Variants in KLHL10 observed in about 807,000 individuals in gnomAD.
KLHL10 encodes the protein kelch-like protein 10.
KLHL10 carries 11 observed loss-of-function variants against 46.6 expected under a neutral mutation model. The observed-to-expected ratio is 0.24, with a 90% CI of 0.15 to 0.39. The LOEUF is 0.39. KLHL10 is among the 10% of genes least tolerant of loss of function. KLHL10 has a pLI of 1.00. For missense variants in KLHL10, 475 were observed against 789.8 expected, an observed-to-expected ratio of 0.60 and a Z score of 4.78; for synonymous variants, 254 against 279.1, an observed-to-expected ratio of 0.91 and a Z score of 0.90.
chr17:41,843,038 A>G (rs1317605112), intron 2 of KLHL10, among the ~76,000 whole-genome samples: 13 of 150,830 alleles, frequency 8.6e-5, no homozygotes, highest in Admixed American at 8.6e-4. Flanking sequence ...AAATGGGAGG[A>G]CTGCTTGAGC....
Position 41,838,121 on chromosome 17 carries a change from C to T in KLHL10, c.189C>T (p.Tyr63=), listed in dbSNP as rs1555620374. ...ACATCCTCTGTAGCTGCAGTTCCTA[C>T]TTTAGGTATAACAGGGTTGCCAAAT... ...HKNILCSCSS[Y]FRALFTSGWN... is the part of the protein sequence containing the mutation. Residue 63 remains tyrosine, a synonymous_variant, in exon 1 of 5, where the codon TAC becomes TAT. Transcript: ENST00000293303. 4 of 1,613,970 alleles carry T rather than the reference C, an allele frequency of 2.5e-6. No homozygotes were observed. The East Asian group carries it at 6.7e-5, about 27-fold the overall frequency.
upstream of KLHL10, chr17:41,837,527 G>A (rs1404248746): frequency 9.8e-7 from 1 of 1,025,136 alleles, no homozygotes; most frequent in Non-Finnish European, 1.2e-6. Flanking sequence ...TCGGTGTCTA[G>A]GGAGCCAAGT....
At chr17:41,837,563 G>A (rs566951090), upstream of KLHL10, 1 of 1,065,816 alleles carries the variant, frequency 9.4e-7, no homozygotes, top group East Asian at 7.2e-5. Context: ...GTAGATGAAT[G>A]CTCCAGGGAT....
chr17:41,842,869 GGAGGTTGCAGTGAGCT>G (rs1230789827), intron 2 of KLHL10, among the ~76,000 whole-genome samples: 1 of 151,676 alleles, frequency 6.6e-6, no homozygotes, highest in Non-Finnish European at 1.5e-5. Flanking sequence ...CCTAGGAGGC[GGAGGTTGCAGTGAGCT>G]GAGATCATGC....
chr17:41,845,813 T>G, intron 3 of KLHL10, 70 bp downstream of exon 3: 1 of 1,593,758 alleles, frequency 6.3e-7, no homozygotes, highest in Non-Finnish European at 8.6e-7. Flanking sequence ...CTGCTCTTTT[T>G]TGGGGTGGAT....
chr17:41,836,357 G>A, upstream of KLHL10: 1 of 1,225,040 alleles, frequency 8.2e-7, no homozygotes, highest in Non-Finnish European at 1.0e-6. Flanking sequence ...CCGCGATCCG[G>A]GTGGGCTTGC....
At chr17:41,839,974 A>T (rs4378664) in intron 1 of KLHL10, among the ~76,000 whole-genome samples, 114,108 of 150,832 alleles carry the variant, frequency 0.76, 43,347 homozygotes, top group Admixed American at 0.84. Flanking sequence ...CTGCCTCCCA[A>T]GTTCAAGCAA....
In KLHL10 at chr17:41,845,374, T is replaced by C. The variant is rs781980416; in HGVS notation, c.933T>C (p.Tyr311=). Residue 311 remains tyrosine (Y), a synonymous_variant, in exon 3 of 5, where the codon TAT becomes TAC. Coordinates refer to ENST00000293303, the MANE Select transcript of KLHL10 (RefSeq NM_152467.5). ...GGSPTNAIEA[Y]DARADRWVNV... ...GCCCCACCAATGCCATTGAGGCATA[T>C]GACGCTCGGGCAGACAGATGGGTGA... 9.3e-6 allele frequency: 15 copies of C among 1,614,198 alleles called. No homozygotes were observed. The highest frequency in any genetic ancestry group is 1.3e-5 in the Non-Finnish European group (15 of 1,180,024).
upstream of KLHL10, chr17:41,835,961 T>G: frequency 6.3e-7 from 1 of 1,578,462 alleles, no homozygotes; most frequent in Non-Finnish European, 8.6e-7. Flanking sequence ...TGCTCACCTG[T>G]CCCGAGACCC....
chr17:41,847,198 A>G lies in KLHL10; in HGVS notation c.1303-63A>G, dbSNP rs1480845768. On this transcript the variant is annotated intron_variant, in intron 3 of 4. Transcript: ENST00000293303. ...AATTAAGTGCCCACTACCACCACAC[A>G]CATATCCTTTCTTTCTACTCCCTAG... 2.7e-6 allele frequency: 4 copies of G among 1,478,714 alleles called. No individual in the cohort carries two copies. In the African/African-American group the frequency reaches 5.5e-5, roughly 20 times the overall value. The allele number at this position is 1,478,714 out of a possible 1,614,324, so 91.6% of individuals were successfully genotyped here.
chr17:41,845,711 A>G lies in KLHL10; in HGVS notation c.1270A>G (p.Ser424Gly), dbSNP rs1555621324. 6.2e-7 allele frequency: 1 copy of G among 1,613,622 alleles called. No individual in the cohort carries two copies. Among genetic ancestry groups the G allele is most frequent in the African/African-American group, 1.3e-5 (1 of 75,020 alleles). ...TLIAPMHEQR[S>G]DASATTLYGK... ...CATCGCCCCCATGCACGAACAGAGG[A>G]GTGATGCAAGCGCCACAACACTTTA... is the stretch of plus-strand genomic sequence containing the variant. Residue 424 changes from serine (S) to glycine (G), a missense_variant, in exon 3 of 5, where the codon AGT (serine) becomes GGT (glycine). Transcript: ENST00000293303.
At position 41,845,579 on chromosome 17, in the gene KLHL10, A is replaced by G. The variant is rs375231468; in HGVS notation, c.1138A>G (p.Ser380Gly). 2 of 1,614,102 alleles carry G rather than the reference A, an allele frequency of 1.2e-6. No individual in the cohort carries two copies. The highest frequency in any genetic ancestry group is 2.7e-5 in the African/African-American group (2 of 74,930). ...GATGCACTCCAGACGTTGCTATGTC[A>G]GTGTGACAGTCCTCGGCAATTTTAT... is the stretch of plus-strand genomic sequence containing the variant. ...APMHSRRCYV[S>G]VTVLGNFIYA... Residue 380 changes from serine to glycine, a missense_variant, in exon 3 of 5, where the codon AGT becomes GGT. Coordinates refer to ENST00000293303, the MANE Select transcript of KLHL10 (RefSeq NM_152467.5).
In KLHL10 at chr17:41,837,929, T is replaced by G; in HGVS notation, c.-4T>G. The G allele has an allele frequency of 6.2e-7, 1 of 1,613,446 alleles. No individual in the cohort carries two copies. Among genetic ancestry groups the G allele is most frequent in the Non-Finnish European group, 8.5e-7 (1 of 1,179,992 alleles). On this transcript the variant is annotated 5_prime_UTR_variant, in exon 1 of 5. Coordinates refer to ENST00000293303, the MANE Select transcript of KLHL10 (RefSeq NM_152467.5). ...GCAGCCTCTCTCCGCTGTCCCAGGG[T>G]GCCATGGAGATGGAGAGCGCGGCGG...
At chr17:41,838,978 C>T (rs1422495101) in intron 1 of KLHL10, among the ~76,000 whole-genome samples, 3 of 151,648 alleles carry the variant, frequency 2.0e-5, no homozygotes, top group Non-Finnish European at 4.4e-5. Flanking sequence ...CATTAGCCAC[C>T]GCGCCTGGCA....
intron 1 of KLHL10, among the ~76,000 whole-genome samples, chr17:41,838,341 A>G (rs548378365): frequency 1.5e-3 from 230 of 152,158 alleles, no homozygotes; most frequent in Non-Finnish European, 2.1e-3. Flanking sequence ...AGCTCACTGC[A>G]GCCTTCAACT....
intron 1 of KLHL10, 60 bp downstream of exon 1, chr17:41,838,186 G>A: frequency 1.4e-6 from 2 of 1,383,968 alleles, no homozygotes; most frequent in Admixed American, 1.7e-5. Context: ...GAGACACTTT[G>A]ATCCATTTTC....
chr17:41,839,523 C>A (rs1490171459), intron 1 of KLHL10, among the ~76,000 whole-genome samples: 2 of 152,042 alleles, frequency 1.3e-5, no homozygotes, highest in Admixed American at 1.3e-4. Flanking sequence ...GGGGGAAATA[C>A]CCAGGAAATA....
intron 3 of KLHL10, among the ~76,000 whole-genome samples, 161 bp from the exon 4 acceptor site, chr17:41,847,100 T>C (rs1184170909): frequency 6.6e-6 from 1 of 152,092 alleles, no homozygotes; most frequent in Non-Finnish European, 1.5e-5. Context: ...AGAGCGAGAC[T>C]CTGTCTCTAA....
At chr17:41,836,418 G>A (rs1336325769), upstream of KLHL10, 49 of 985,274 alleles carry the variant, frequency 5.0e-5, no homozygotes, top group Non-Finnish European at 9.6e-6. Context: ...TGAAGAGCAG[G>A]GTGAAGGTCC....
Sources: allele counts gnomAD v4.1 joint callset (sites outside exome capture counted in the v4.1 genomes callset), GRCh38; gene constraint gnomAD v4.1.1; transcripts MANE v1.5; gene names NCBI Gene and HGNC (gene_info 2026-07-23, HGNC 2026-07-21).